AUTS2: variants seen among roughly 807,000 people sequenced by gnomAD.
AUTS2 encodes the protein activator of transcription and developmental regulator AUTS2.
In AUTS2, 17 loss-of-function variants were observed where a neutral mutation model predicts 112.4. That is an observed-to-expected ratio of 0.15 (90% confidence interval 0.10 to 0.23). AUTS2 has a LOEUF of 0.23. Among genes scored for constraint, AUTS2 ranks in the 10% least tolerant of loss-of-function variants. The probability of loss-of-function intolerance (pLI) is 1.00; values close to 1 mark genes in which losing one functional copy is unlikely to be tolerated. For missense variants in AUTS2, 1,510 were observed against 1,701.6 expected (o/e 0.89, Z 1.98); for synonymous variants, 751 against 702.7 (o/e 1.07, Z -1.09).
At chr7:70,003,275 G>GAATATATAATATATTATATATT (rs1799304637) in intron 2 of AUTS2, among the ~76,000 whole-genome samples, 1 of 121,574 alleles carries the variant, frequency 8.2e-6, no homozygotes, top group Non-Finnish European at 1.6e-5. Context: ...TATTATATAT[G>GAATATATAATATATTATATATT]TGAATATATA....
chr7:69,694,074 C>T (rs1430822539), intron 1 of AUTS2, among the ~76,000 whole-genome samples: 1 of 152,142 alleles, frequency 6.6e-6, no homozygotes, highest in Non-Finnish European at 1.5e-5. Flanking sequence ...TTAGATGTCT[C>T]CTCTTAAAAC....
chr7:69,790,342 C>G (rs574374883), intron 1 of AUTS2, among the ~76,000 whole-genome samples: 78 of 152,210 alleles, frequency 5.1e-4, no homozygotes, highest in Non-Finnish European at 2.1e-4. Flanking sequence ...GATTTTATCC[C>G]ATTCCAAATT....
At chr7:69,958,132 C>T (rs180848987) in intron 2 of AUTS2, among the ~76,000 whole-genome samples, 12 of 152,274 alleles carry the variant, frequency 7.9e-5, no homozygotes, top group African/African-American at 2.2e-4. Context: ...GTGTGCCAGC[C>T]ATCTTCAACA....
intron 4 of AUTS2, among the ~76,000 whole-genome samples, chr7:70,338,980 A>G (rs1437651696): frequency 2.0e-5 from 3 of 151,614 alleles, no homozygotes; most frequent in Non-Finnish European, 4.4e-5. Context: ...CTCCTGCCTC[A>G]GCCTCCCAAG....
chr7:69,951,841 A>G (rs780514026), intron 2 of AUTS2, among the ~76,000 whole-genome samples: 4 of 152,180 alleles, frequency 2.6e-5, no homozygotes, highest in African/African-American at 9.6e-5. Context: ...GAGAGGAAAA[A>G]TGTGGCTTTA....
intron 1 of AUTS2, among the ~76,000 whole-genome samples, chr7:69,846,508 T>G (rs538121868): frequency 6.6e-6 from 1 of 152,318 alleles, no homozygotes; most frequent in South Asian, 2.1e-4. Context: ...TTTTGAGCAC[T>G]CCCTATGTGT....
At chr7:70,595,918 G>T (rs11770641) in intron 5 of AUTS2, among the ~76,000 whole-genome samples, 1 of 152,008 alleles carries the variant, frequency 6.6e-6, no homozygotes. Context: ...TCCCCGCCCC[G>T]TGCCTTGCCG....
At chr7:70,691,459 C>T (rs1011745464) in intron 5 of AUTS2, among the ~76,000 whole-genome samples, 9 of 151,960 alleles carry the variant, frequency 5.9e-5, no homozygotes, top group Admixed American at 2.0e-4. Flanking sequence ...ATTGAAAGCC[C>T]TCTGACCTGG....
intron 2 of AUTS2, among the ~76,000 whole-genome samples, chr7:70,039,522 T>C (rs1394655246): frequency 6.6e-6 from 1 of 152,038 alleles, no homozygotes; most frequent in Non-Finnish European, 1.5e-5. Flanking sequence ...GACTAATTTT[T>C]GTATTTTTAG....
At chr7:69,912,472 C>G (rs537467781) in intron 2 of AUTS2, among the ~76,000 whole-genome samples, 1 of 152,340 alleles carries the variant, frequency 6.6e-6, no homozygotes, top group South Asian at 2.1e-4. Context: ...TTGGCAGCGG[C>G]TGCTCCAGAC....
At chr7:69,729,994 A>ATTTTTTTTTTTTGTTTTTT (rs1786713525) in intron 1 of AUTS2, among the ~76,000 whole-genome samples, 1 of 56,750 alleles carries the variant, frequency 1.8e-5, no homozygotes, top group African/African-American at 8.4e-5. Context: ...TGTTGTTTTA[A>ATTTTTTTTTTTTGTTTTTT]TTTTTTTTTT....
At chr7:69,771,893 T>G (rs571548212) in intron 1 of AUTS2, among the ~76,000 whole-genome samples, 1 of 151,962 alleles carries the variant, frequency 6.6e-6, no homozygotes, top group South Asian at 2.1e-4. Context: ...CAAGCAATTC[T>G]CCTGTCTCAG....
At chr7:70,491,445 CACATAATATATATGTT>C (rs2116417614) in intron 5 of AUTS2, among the ~76,000 whole-genome samples, 2 of 136,212 alleles carry the variant, frequency 1.5e-5, no homozygotes, top group Admixed American at 1.5e-4. Flanking sequence ...CACATATATA[CACATAATATATATGTT>C]ATATATACAC....
chr7:70,753,235 G>A (rs1028405272), intron 6 of AUTS2, among the ~76,000 whole-genome samples: 7 of 152,244 alleles, frequency 4.6e-5, no homozygotes, highest in Middle Eastern at 3.4e-3. Flanking sequence ...CCAGTGGGCT[G>A]CTGGTGTTTT....
chr7:70,243,113 G>A (rs1161206498), intron 4 of AUTS2, among the ~76,000 whole-genome samples: 2 of 152,034 alleles, frequency 1.3e-5, no homozygotes, highest in East Asian at 3.8e-4. Flanking sequence ...GAGTACAAAA[G>A]TGCAACTTGT....
intron 2 of AUTS2, among the ~76,000 whole-genome samples, chr7:69,947,253 G>T (rs1367238729): frequency 6.6e-6 from 1 of 152,180 alleles, no homozygotes; most frequent in Non-Finnish European, 1.5e-5. Context: ...GAGGGAAATA[G>T]TGCTTTGGCA....
chr7:69,842,936 A>G (rs1792043398), intron 1 of AUTS2, among the ~76,000 whole-genome samples: 1 of 152,112 alleles, frequency 6.6e-6, no homozygotes, highest in Non-Finnish European at 1.5e-5. Flanking sequence ...GCCAGGCATA[A>G]TGGCTAGGGT....
intron 5 of AUTS2, among the ~76,000 whole-genome samples, chr7:70,510,871 C>T (rs765835469): frequency 3.3e-5 from 5 of 151,718 alleles, no homozygotes; most frequent in Non-Finnish European, 5.9e-5. Context: ...TTTGTTGAGA[C>T]GGAATCTTGC....
chr7:70,537,974 C>T (rs1800390213), intron 5 of AUTS2, among the ~76,000 whole-genome samples: 3 of 152,174 alleles, frequency 2.0e-5, no homozygotes, highest in Non-Finnish European at 2.9e-5. Flanking sequence ...TGAGGCCAGG[C>T]ATGGTGGCTC....
Sources: allele counts gnomAD v4.1 joint callset (sites outside exome capture counted in the v4.1 genomes callset), GRCh38; gene constraint gnomAD v4.1.1; transcripts MANE v1.5; gene names NCBI Gene and HGNC (gene_info 2026-07-23, HGNC 2026-07-21).